CNTNAP2: variants seen among roughly 807,000 people sequenced by gnomAD.
CNTNAP2 encodes contactin associated protein 2, also known as contactin-associated protein-like 2.
A neutral mutation model predicts 155.2 loss-of-function variants in CNTNAP2; 98 were observed. The ratio of observed to expected loss-of-function variants is 0.63; its 90% confidence interval spans 0.54 to 0.75. The LOEUF is 0.75. Ranked by LOEUF, CNTNAP2 falls within the 30% of genes least tolerant of loss-of-function variation. The pLI is 0.00. For missense variants in CNTNAP2, 1,727 were observed against 1,688.1 expected, an observed-to-expected ratio of 1.02 and a Z score of -0.40; for synonymous variants, 651 against 631.2, an observed-to-expected ratio of 1.03 and a Z score of -0.47.
rs117384869 is a variant in CNTNAP2, at chr7:147,250,415, C to T, written c.1349-49726C>T. The stretch of plus-strand genomic sequence containing the variant: ...ATAAAAAAAATGCAGATGGAGATTC[C>T]GAAGTGGCTCTTCAGCGTGAGGATC... On this transcript the variant is annotated intron_variant, in intron 8 of 23. Transcript: ENST00000361727. 8.3e-3 allele frequency among the ~76,000 whole-genome samples: 1,268 copies of T among 152,154 alleles called. 15 individuals carry two copies. The highest frequency in any genetic ancestry group is 0.014 in the South Asian group (67 of 4,808).
intron 12 of CNTNAP2, among the ~76,000 whole-genome samples, chr7:147,567,515 A>G (rs1380208203): frequency 6.6e-6 from 1 of 152,326 alleles, no homozygotes; most frequent in South Asian, 2.1e-4. Context: ...GTAGTAATGC[A>G]GAGGTTGAAA....
intron 2 of CNTNAP2, among the ~76,000 whole-genome samples, chr7:146,819,854 C>T (rs950839898): frequency 1.3e-5 from 2 of 152,108 alleles, no homozygotes; most frequent in African/African-American, 4.8e-5. Flanking sequence ...GGAGCTCTCA[C>T]CCTGAAATAC....
chr7:147,226,843 A>G (rs1331507583), intron 8 of CNTNAP2, among the ~76,000 whole-genome samples: 2 of 152,212 alleles, frequency 1.3e-5, no homozygotes, highest in Admixed American at 1.3e-4. Flanking sequence ...TTCAAGTTTT[A>G]TGTGTTAATT....
chr7:148,397,190 CACTG>C (rs1409100953), intron 22 of CNTNAP2, among the ~76,000 whole-genome samples: 1 of 152,214 alleles, frequency 6.6e-6, no homozygotes, highest in Non-Finnish European at 1.5e-5. Flanking sequence ...CCTCAGCAAA[CACTG>C]ACTGGGTGGC....
At chr7:146,787,757 A>C (rs914732383) in intron 2 of CNTNAP2, among the ~76,000 whole-genome samples, 1 of 152,072 alleles carries the variant, frequency 6.6e-6, no homozygotes, top group Non-Finnish European at 1.5e-5. Context: ...TTTTACAGAG[A>C]GCCGATTGGT....
intron 1 of CNTNAP2, among the ~76,000 whole-genome samples, chr7:146,177,182 C>G (rs961359892): frequency 6.6e-6 from 1 of 152,168 alleles, no homozygotes; most frequent in Admixed American, 6.5e-5. Context: ...ACAGCATTTC[C>G]TGAATTTTAC....
intron 8 of CNTNAP2, among the ~76,000 whole-genome samples, chr7:147,270,028 C>A (rs1019473597): frequency 1.3e-5 from 2 of 152,190 alleles, no homozygotes; most frequent in Middle Eastern, 6.8e-3. Context: ...TGCCACTGCA[C>A]TCCAGCCTGG....
At chr7:147,952,192 C>T (rs1800943386) in intron 14 of CNTNAP2, among the ~76,000 whole-genome samples, 2 of 138,940 alleles carry the variant, frequency 1.4e-5, no homozygotes, top group South Asian at 5.5e-4. Context: ...CCTGTAATCC[C>T]AGCACTTTGG....
chr7:147,498,533 T>C (rs1798752525), intron 11 of CNTNAP2, among the ~76,000 whole-genome samples: 1 of 152,184 alleles, frequency 6.6e-6, no homozygotes, highest in Non-Finnish European at 1.5e-5. Flanking sequence ...GTAAAAATAA[T>C]ACTACAGAAT....
chr7:147,816,787 A>G (rs999666918), intron 13 of CNTNAP2, among the ~76,000 whole-genome samples: 2 of 152,196 alleles, frequency 1.3e-5, no homozygotes, highest in Non-Finnish European at 2.9e-5. Context: ...AAAACTCACC[A>G]TTTTGCAATG....
chr7:147,422,727 T>C (rs1797315882), intron 10 of CNTNAP2, among the ~76,000 whole-genome samples: 1 of 152,198 alleles, frequency 6.6e-6, no homozygotes, highest in South Asian at 2.1e-4. Flanking sequence ...CGAGGATCAA[T>C]TTTAAGTTCA....
intron 15 of CNTNAP2, among the ~76,000 whole-genome samples, chr7:148,018,457 T>A (rs1802219287): frequency 6.6e-6 from 1 of 152,172 alleles, no homozygotes; most frequent in Admixed American, 6.5e-5. Context: ...TTCAAAAACA[T>A]ATTTCAAAAA....
intron 1 of CNTNAP2, among the ~76,000 whole-genome samples, chr7:146,211,019 G>A (rs1379343512): frequency 6.6e-6 from 1 of 152,084 alleles, no homozygotes; most frequent in Non-Finnish European, 1.5e-5. Flanking sequence ...GTTGATTTTG[G>A]AGAAAAGAAA....
At chr7:146,642,658 C>A (rs892498881) in intron 1 of CNTNAP2, among the ~76,000 whole-genome samples, 13 of 152,028 alleles carry the variant, frequency 8.6e-5, no homozygotes, top group East Asian at 1.9e-4. Flanking sequence ...ATTTATAGTC[C>A]TTTGGGTATA....
intron 1 of CNTNAP2, among the ~76,000 whole-genome samples, chr7:146,712,195 A>G (rs1322382938): frequency 1.7e-5 from 2 of 119,224 alleles, no homozygotes; most frequent in African/African-American, 3.4e-5. Context: ...TCTTATGTAT[A>G]CAAATATGTA....
intron 3 of CNTNAP2, among the ~76,000 whole-genome samples, chr7:146,945,368 C>T (rs1422257780): frequency 6.6e-6 from 1 of 152,172 alleles, no homozygotes; most frequent in African/African-American, 2.4e-5. Flanking sequence ...TTTTCTGTCT[C>T]AACCCGGGAA....
chr7:146,721,422 CATTCTATATATAT>C (rs1801308780), intron 1 of CNTNAP2, among the ~76,000 whole-genome samples: 1 of 122,018 alleles, frequency 8.2e-6, no homozygotes, highest in African/African-American at 3.4e-5. Flanking sequence ...TCTATATATA[CATTCTATATATAT>C]TCTATATATA....
chr7:147,230,789 T>C (rs1803662566), intron 8 of CNTNAP2, among the ~76,000 whole-genome samples: 1 of 152,176 alleles, frequency 6.6e-6, no homozygotes, highest in South Asian at 2.1e-4. Context: ...CCTCTTTGTT[T>C]TTGTGACTGA....
intron 4 of CNTNAP2, among the ~76,000 whole-genome samples, chr7:147,050,779 C>T (rs1799457921): frequency 6.6e-6 from 1 of 152,104 alleles, no homozygotes; most frequent in Admixed American, 6.6e-5. Context: ...GAAAGGTATT[C>T]TATCATGGAT....
Sources: allele counts gnomAD v4.1 joint callset (sites outside exome capture counted in the v4.1 genomes callset), GRCh38; gene constraint gnomAD v4.1.1; transcripts MANE v1.5; gene names NCBI Gene and HGNC (gene_info 2026-07-23, HGNC 2026-07-21).